Variants in DBF4 observed in about 807,000 individuals in gnomAD.
DBF4 encodes DBF4-CDC7 kinase regulatory subunit, also known as protein DBF4 homolog A.
Under a neutral mutation model 76.6 loss-of-function variants are expected in DBF4, and 25 were observed. That is an observed-to-expected ratio of 0.33 (90% CI 0.24 to 0.46). The LOEUF (loss-of-function observed/expected upper bound fraction) is 0.46. DBF4 is among the 20% of genes least tolerant of loss of function. The pLI is 1.00. For synonymous variants in DBF4, 213 were observed against 258.0 expected (o/e 0.83, Z 1.67); for missense variants, 638 against 760.8 (o/e 0.84, Z 1.90).
At chr7:87,899,482 A>G (rs548573406) in intron 8 of DBF4, among the ~76,000 whole-genome samples, 12 of 152,368 alleles carry the variant, frequency 7.9e-5, no homozygotes, top group African/African-American at 2.6e-4. Flanking sequence ...GTGATACACA[A>G]ATAGCCAATA....
At chr7:87,894,453 GA>G (rs1351520024) in intron 6 of DBF4, among the ~76,000 whole-genome samples, 6 of 151,042 alleles carry the variant, frequency 4.0e-5, no homozygotes, top group African/African-American at 7.3e-5. Context: ...CTGTCTCGGG[GA>G]AAAAAAAGAA....
chr7:87,885,053 C>T lies in DBF4; in HGVS notation c.294C>T (p.Thr98=). 1.2e-6 allele frequency: 2 copies of T among 1,613,682 alleles called. No homozygotes were observed. The highest frequency in any genetic ancestry group is 8.5e-7 in the Non-Finnish European group (1 of 1,179,646). ...SNKKEAKFAQ[T]LGRISPVPSP... ...AGAAGGAAGCTAAATTTGCACAAAC[C>T]TTGGGTCGAATTTCTCCTGTACCAA... The change falls in exon 3 of 12, where the codon ACC becomes ACT. Residue 98 remains threonine, a synonymous_variant. Transcript: ENST00000265728.
At chr7:87,904,667 C>T (rs939166165) in intron 11 of DBF4, among the ~76,000 whole-genome samples, 1 of 152,130 alleles carries the variant, frequency 6.6e-6, no homozygotes. Context: ...ACTTGAAACC[C>T]AGGAGGCAGA....
rs56740998 is a variant in DBF4 at position 87,903,689 on chromosome 7, CTT to C, written c.925-581_925-580del. ...TACTGTTGTCTCTCTCTCTGTATCC[CTT>C]TTTTTTTTTTTTTTTTTTTTTGAGA... On this transcript the variant is annotated intron_variant, in intron 10 of 11. Transcript: ENST00000265728. Among the ~76,000 whole-genome samples the C allele has an allele frequency of 5.8e-3, 567 of 98,048 alleles. 2 individuals carry two copies. The highest frequency in any genetic ancestry group is 0.019 in the African/African-American group (466 of 24,918). 64.3% of individuals were successfully genotyped at this position (98,048 alleles called of 152,430 possible).
intron 2 of DBF4, among the ~76,000 whole-genome samples, chr7:87,884,578 G>T (rs976470245): frequency 4.6e-5 from 7 of 152,176 alleles, no homozygotes; most frequent in Admixed American, 1.3e-4. Context: ...CTGTTCCATA[G>T]ATTAAGTTAA....
chr7:87,902,744 G>T (rs569611098), intron 10 of DBF4, among the ~76,000 whole-genome samples: 2 of 152,160 alleles, frequency 1.3e-5, no homozygotes, highest in South Asian at 4.2e-4. Context: ...TTTAAATTTT[G>T]ATAATTCTTA....
At chr7:87,883,943 C>G (rs557231100) in intron 2 of DBF4, among the ~76,000 whole-genome samples, 29 of 152,010 alleles carry the variant, frequency 1.9e-4, no homozygotes, top group African/African-American at 7.0e-4. Flanking sequence ...TTAGTATTTA[C>G]TTCTCCCTAT....
chr7:87,893,336 C>T (rs1403280660), intron 6 of DBF4, among the ~76,000 whole-genome samples: 2 of 150,074 alleles, frequency 1.3e-5, no homozygotes, highest in African/African-American at 4.9e-5. Context: ...AGCTCCGCTT[C>T]CCGGGTTCAC....
chr7:87,905,124 T>G (rs1428123534), intron 11 of DBF4, among the ~76,000 whole-genome samples: 3 of 152,198 alleles, frequency 2.0e-5, no homozygotes, highest in African/African-American at 7.2e-5. Flanking sequence ...CTAATTAGTC[T>G]CATTCTTGAC....
At chr7:87,893,236 C>CTTT (rs869114624) in intron 6 of DBF4, among the ~76,000 whole-genome samples, 48 of 126,748 alleles carry the variant, frequency 3.8e-4, no homozygotes, top group South Asian at 7.5e-4. Flanking sequence ...ATTTAATATT[C>CTTT]TTTTTTTTTT....
At chr7:87,885,718 A>G (rs1446421576) in intron 3 of DBF4, among the ~76,000 whole-genome samples, 1 of 152,254 alleles carries the variant, frequency 6.6e-6, no homozygotes, top group Non-Finnish European at 1.5e-5. Flanking sequence ...TTTAGGCAGA[A>G]TTGAATAGTT....
At chr7:87,898,003 C>T (rs1361041762) in intron 8 of DBF4, among the ~76,000 whole-genome samples, 2 of 152,208 alleles carry the variant, frequency 1.3e-5, no homozygotes, top group African/African-American at 4.8e-5. Flanking sequence ...GTCTCTAACT[C>T]TTGACCTCAA....
chr7:87,904,753 A>C (rs77491588), intron 11 of DBF4, among the ~76,000 whole-genome samples: 6,111 of 152,194 alleles, frequency 0.04, 180 homozygotes, highest in Non-Finnish European at 0.059. Context: ...AAATAAATAA[A>C]TAAATTATAC....
intron 6 of DBF4, among the ~76,000 whole-genome samples, chr7:87,893,677 A>G (rs898338857): frequency 2.6e-5 from 4 of 152,196 alleles, no homozygotes; most frequent in African/African-American, 7.2e-5. Context: ...GTATTTACAT[A>G]GTACTTTTTG....
At chr7:87,877,278 A>G (rs2131034870) in intron 1 of DBF4, among the ~76,000 whole-genome samples, 1 of 152,310 alleles carries the variant, frequency 6.6e-6, no homozygotes, top group Non-Finnish European at 1.5e-5. Context: ...TTGTATTTCA[A>G]ACACCCCATT....
chr7:87,883,386 G>A (rs1051210872), intron 2 of DBF4, among the ~76,000 whole-genome samples: 24 of 152,050 alleles, frequency 1.6e-4, no homozygotes, highest in Non-Finnish European at 2.8e-4. Flanking sequence ...ACTTACTGCC[G>A]TTAAATTGTA....
intron 3 of DBF4, among the ~76,000 whole-genome samples, chr7:87,885,852 A>C (rs1158426699): frequency 1.3e-5 from 2 of 152,206 alleles, no homozygotes. Context: ...ATGGCCAGTA[A>C]ATTGAAAGAT....
chr7:87,878,125 A>C lies in DBF4; in HGVS notation c.119A>C (p.Lys40Thr). Residue 40 changes from lysine (K) to threonine (T), a missense_variant, in exon 2 of 12, where the codon AAA becomes ACA. By Grantham distance (78) the Lys-to-Thr change is moderately conservative. Coordinates refer to ENST00000265728, the MANE Select transcript of DBF4 (RefSeq NM_006716.4). ...CTGAAAACTGATAACAGGCCAGAAA[A>C]ATCCAAATGTAAGCCACTTTGGGGA... ...KSLKTDNRPE[K>T]SKCKPLWGKV... The C allele has an allele frequency of 6.2e-7, 1 of 1,612,876 alleles. No homozygotes were observed. Among genetic ancestry groups the C allele is most frequent in the East Asian group, 2.2e-5 (1 of 44,816 alleles).
intron 10 of DBF4, among the ~76,000 whole-genome samples, chr7:87,901,619 A>G (rs547262470): frequency 2.0e-5 from 3 of 152,352 alleles, no homozygotes; most frequent in Admixed American, 2.0e-4. Context: ...GAGGTAGCAG[A>G]AAGAAATGGG....
Sources: gnomAD v4.1 joint callset for allele counts (sites outside exome capture counted in the v4.1 genomes callset) on GRCh38, gnomAD v4.1.1 for gene constraint, MANE v1.5 for transcripts, NCBI Gene and HGNC (gene_info 2026-07-23, HGNC 2026-07-21) for gene names.